Variants in MAPKAPK3 observed in about 807,000 individuals in gnomAD.
The protein encoded by MAPKAPK3 is MAPK activated protein kinase 3, also known as MAP kinase-activated protein kinase 3.
Under a neutral mutation model 49.2 loss-of-function variants are expected in MAPKAPK3, and 35 were observed. The ratio of observed to expected loss-of-function variants is 0.71; its 90% CI spans 0.54 to 0.94. MAPKAPK3 has a LOEUF of 0.94. MAPKAPK3 is among the 40% of genes least tolerant of loss of function. The probability of loss-of-function intolerance (pLI) is 0.00; values close to 1 mark genes in which losing one functional copy is unlikely to be tolerated. For synonymous variants in MAPKAPK3, 178 were observed against 188.7 expected, an observed-to-expected ratio of 0.94 and a Z score of 0.46; for missense variants, 398 against 493.1, an observed-to-expected ratio of 0.81 and a Z score of 1.83.
At chr3:50,626,608 G>A (rs2032751762) in intron 2 of MAPKAPK3, among the ~76,000 whole-genome samples, 1 of 152,222 alleles carries the variant, frequency 6.6e-6, no homozygotes, top group South Asian at 2.1e-4. Flanking sequence ...GGACTGGCAG[G>A]TGTTCTCCGT....
chr3:50,632,628 G>A (rs1289842626), intron 2 of MAPKAPK3, among the ~76,000 whole-genome samples: 1 of 152,230 alleles, frequency 6.6e-6, no homozygotes, highest in Non-Finnish European at 1.5e-5. Flanking sequence ...CAGAGCTTCA[G>A]CTTCTTAATT....
At chr3:50,631,195 G>A (rs1192068699) in intron 2 of MAPKAPK3, among the ~76,000 whole-genome samples, 1 of 152,194 alleles carries the variant, frequency 6.6e-6, no homozygotes, top group Non-Finnish European at 1.5e-5. Context: ...AGCTACGAAA[G>A]CTCGGAGAAT....
intron 2 of MAPKAPK3, among the ~76,000 whole-genome samples, chr3:50,635,404 ATCT>A (rs2033010408): frequency 1.4e-5 from 1 of 71,232 alleles, no homozygotes; most frequent in Non-Finnish European, 2.7e-5. Flanking sequence ...CCTCAATTTA[ATCT>A]TTTTTTTTTT....
intron 2 of MAPKAPK3, among the ~76,000 whole-genome samples, chr3:50,635,598 G>A: frequency 6.6e-6 from 1 of 151,264 alleles, no homozygotes; most frequent in East Asian, 1.9e-4. Flanking sequence ...TGTATTTTTA[G>A]TAGAGATGGG....
At chr3:50,617,035 G>T (rs1402470772), upstream of MAPKAPK3, 1 of 149,090 alleles carries the variant, frequency 6.7e-6, no homozygotes, top group African/African-American at 2.5e-5. Context: ...GCCCTTTAAG[G>T]CTGACCTAGC....
chr3:50,647,278 C>T (rs776102354), intron 10 of MAPKAPK3, 75 bp downstream of exon 10: 5 of 1,297,404 alleles, frequency 3.9e-6, no homozygotes, highest in Non-Finnish European at 5.4e-6. Flanking sequence ...GGTGGCTACC[C>T]AGGGTCTGGG....
Position 50,645,776 on chromosome 3 carries a change from T to C in MAPKAPK3, c.695T>C (p.Met232Thr), listed in dbSNP as rs375875691. The change falls in exon 7 of 11, where the codon ATG (methionine) becomes ACG (threonine). Residue 232 changes from methionine (M) to threonine (T), a missense_variant. Physicochemically the swap from Met to Thr is moderately conservative, Grantham distance 81 (BLOSUM62 -1). Around this residue, in one of 5 missense-constraint regions of MAPKAPK3, gnomAD observed 30 missense variants for 70.5 expected, o/e 0.43. Coordinates refer to ENST00000621469, the MANE Select transcript of MAPKAPK3 (RefSeq NM_001243925.2). ...GACATGTGGTCCCTGGGTGTCATCA[T>C]GTACATCCTGTGAGTACCTTCCCCA... ...SCDMWSLGVI[M>T]YILLCGFPPF... The C allele has an allele frequency of 1.2e-6, 2 of 1,614,114 alleles. No homozygotes were observed. Among genetic ancestry groups the C allele is most frequent in the South Asian group, 1.1e-5 (1 of 91,086 alleles).
At chr3:50,619,268 C>T (rs561221881) in intron 2 of MAPKAPK3, among the ~76,000 whole-genome samples, 1 of 152,290 alleles carries the variant, frequency 6.6e-6, no homozygotes, top group African/African-American at 2.4e-5. Flanking sequence ...CTGGACCCAG[C>T]TCTCTGTGTC....
chr3:50,617,573 G>T lies in MAPKAPK3; in HGVS notation c.8G>T (p.Gly3Val), dbSNP rs763518219. ...GAGCGCCCCGCGGGGGCCATGGATGGTGAAACAGCAGAGGAGCAGGGGGGC... is the reference window on the plus strand; with the variant it reads ...GAGCGCCCCGCGGGGGCCATGGATGTTGAAACAGCAGAGGAGCAGGGGGGC... Reference protein sequence around the residue: MDGETAEEQGGPV... With the variant: MDVETAEEQGGPV... Residue 3 changes from glycine (G) to valine (V), a missense_variant, in exon 2 of 11, where the codon GGT (glycine) becomes GTT (valine). Gly to Val is a moderately radical substitution (Grantham distance 109, BLOSUM62 -3). Coordinates refer to ENST00000621469, the MANE Select transcript of MAPKAPK3 (RefSeq NM_001243925.2). 6.4e-7 allele frequency: 1 copy of T among 1,554,776 alleles called. No homozygotes were observed. The highest frequency in any genetic ancestry group is 1.1e-5 in the South Asian group (1 of 89,426).
chr3:50,625,317 G>A (rs1042368505), intron 2 of MAPKAPK3, among the ~76,000 whole-genome samples: 1 of 152,164 alleles, frequency 6.6e-6, no homozygotes, highest in Non-Finnish European at 1.5e-5. Context: ...ACTCACTTGG[G>A]TGCGCCCTGC....
intron 5 of MAPKAPK3, 150 bp from the exon 6 acceptor site, chr3:50,644,259 T>G: frequency 3.6e-6 from 3 of 834,264 alleles, no homozygotes; most frequent in Non-Finnish European, 1.9e-6. Context: ...ATTTGGCCCA[T>G]GTTAGTGGGC....
chr3:50,628,303 T>C (rs1019218338), intron 2 of MAPKAPK3, among the ~76,000 whole-genome samples: 1 of 152,282 alleles, frequency 6.6e-6, no homozygotes, highest in East Asian at 1.9e-4. Context: ...TTACCCTGTG[T>C]CAGCTATGTG....
At chr3:50,643,180 A>G (rs935297446) in intron 5 of MAPKAPK3, among the ~76,000 whole-genome samples, 7 of 152,208 alleles carry the variant, frequency 4.6e-5, no homozygotes, top group Admixed American at 4.6e-4. Context: ...AGTCACAGCC[A>G]TAGCTTTGAC....
At chr3:50,645,183 T>G (rs1295645665) in intron 6 of MAPKAPK3, among the ~76,000 whole-genome samples, 1 of 152,224 alleles carries the variant, frequency 6.6e-6, no homozygotes, top group Non-Finnish European at 1.5e-5. Flanking sequence ...AATGGCACTC[T>G]GTTAACTAGG....
intron 2 of MAPKAPK3, among the ~76,000 whole-genome samples, chr3:50,635,365 C>A (rs2107589891): frequency 6.9e-6 from 1 of 144,728 alleles, no homozygotes; most frequent in African/African-American, 2.6e-5. Flanking sequence ...GTTGTCATGT[C>A]TCCCATTTGT....
Position 50,617,556 on chromosome 3 carries a change from CGCGGGG to C in MAPKAPK3, c.-7_-2del. 6.9e-7 allele frequency: 1 copy of C among 1,439,090 alleles called. No homozygotes were observed. 89.1% of individuals were successfully genotyped at this position (1,439,090 alleles called of 1,614,324 possible). On this transcript the variant is annotated 5_prime_UTR_variant, in exon 2 of 11. Coordinates refer to ENST00000621469, the MANE Select transcript of MAPKAPK3 (RefSeq NM_001243925.2). Reference sequence around the variant, plus strand: ...AGGCTGGGGCCGCCTCTGAGCGCCCCGCGGGGGCCATGGATGGTGAAACAGCAGAGG... The same window carrying C: ...AGGCTGGGGCCGCCTCTGAGCGCCCCGCCATGGATGGTGAAACAGCAGAGG...
chr3:50,638,899 G>A (rs2033106570), intron 2 of MAPKAPK3, among the ~76,000 whole-genome samples: 1 of 152,252 alleles, frequency 6.6e-6, no homozygotes, highest in Non-Finnish European at 1.5e-5. Context: ...TTGAGCATCA[G>A]CCCTGGTCCC....
intron 8 of MAPKAPK3, 37 bp downstream of exon 8, chr3:50,646,301 G>A (rs779301647): frequency 1.2e-6 from 2 of 1,610,786 alleles, no homozygotes; most frequent in African/African-American, 1.3e-5. Context: ...GACTCACCTG[G>A]CCCCTGCGGC....
chr3:50,621,882 A>G (rs2032619244), intron 2 of MAPKAPK3, among the ~76,000 whole-genome samples: 1 of 152,064 alleles, frequency 6.6e-6, no homozygotes, highest in Non-Finnish European at 1.5e-5. Flanking sequence ...TTCCCCTCTG[A>G]CCCCTAAAGC....
Sources: allele counts gnomAD v4.1 joint callset (sites outside exome capture counted in the v4.1 genomes callset), GRCh38; gene constraint gnomAD v4.1.1; regional missense constraint gnomAD v4.1.1; transcripts MANE v1.5; gene names NCBI Gene and HGNC (gene_info 2026-07-23, HGNC 2026-07-21).